Variants in DOK6 observed in about 807,000 individuals in gnomAD.
DOK6 encodes docking protein 6, also known as downstream of tyrosine kinase 6.
A neutral mutation model predicts 44.0 loss-of-function variants in DOK6; 22 were observed. The ratio of observed to expected loss-of-function variants is 0.50; its 90% CI spans 0.36 to 0.71. The LOEUF (loss-of-function observed/expected upper bound fraction) is 0.71. DOK6 is among the 30% of genes least tolerant of loss of function. DOK6 has a pLI of 0.00. For missense variants in DOK6, 340 were observed against 416.4 expected, an observed-to-expected ratio of 0.82 and a Z score of 1.60; for synonymous variants, 166 against 145.5, an observed-to-expected ratio of 1.14 and a Z score of -1.01.
intron 7 of DOK6, among the ~76,000 whole-genome samples, chr18:69,786,226 C>T (rs1308132502): frequency 6.6e-6 from 1 of 152,072 alleles, no homozygotes; most frequent in East Asian, 1.9e-4. Flanking sequence ...GGCCTATATT[C>T]TCAGAAAACA....
chr18:69,707,848 A>C (rs774767531), intron 5 of DOK6, among the ~76,000 whole-genome samples: 7 of 152,168 alleles, frequency 4.6e-5, no homozygotes, highest in Non-Finnish European at 1.0e-4. Context: ...CACCAAGTTT[A>C]ATTGTAGGGA....
chr18:69,455,840 G>A (rs192380266), intron 1 of DOK6, among the ~76,000 whole-genome samples: 1 of 152,130 alleles, frequency 6.6e-6, no homozygotes, highest in East Asian at 1.9e-4. Context: ...TGGGCAATTT[G>A]GACTCATTTA....
chr18:69,688,609 G>A (rs1043431940), intron 4 of DOK6, among the ~76,000 whole-genome samples: 7 of 152,086 alleles, frequency 4.6e-5, no homozygotes, highest in Admixed American at 3.3e-4. Flanking sequence ...TGCAACCTCC[G>A]CCTCCTGGGT....
chr18:69,572,996 A>G (rs1218512183), intron 2 of DOK6, among the ~76,000 whole-genome samples: 1 of 151,584 alleles, frequency 6.6e-6, no homozygotes, highest in East Asian at 1.9e-4. Context: ...AATATGACAT[A>G]TATGTTACCT....
intron 7 of DOK6, among the ~76,000 whole-genome samples, chr18:69,814,933 G>C (rs1599340429): frequency 6.6e-6 from 1 of 150,388 alleles, no homozygotes; most frequent in South Asian, 2.1e-4. Flanking sequence ...GTCCAGATAA[G>C]AAAAAAAAAG....
intron 3 of DOK6, among the ~76,000 whole-genome samples, chr18:69,617,605 G>A (rs1308063528): frequency 1.4e-5 from 2 of 148,146 alleles, no homozygotes; most frequent in Non-Finnish European, 3.0e-5. Flanking sequence ...AAGACTGAGC[G>A]ATAGGAGAAA....
At chr18:69,753,647 T>C (rs979379654) in intron 6 of DOK6, among the ~76,000 whole-genome samples, 2 of 152,206 alleles carry the variant, frequency 1.3e-5, no homozygotes, top group Admixed American at 1.3e-4. Flanking sequence ...ATGGCAAGTA[T>C]ATCAAGAACT....
chr18:69,496,271 GC>G (rs1419321250), intron 1 of DOK6, among the ~76,000 whole-genome samples: 1 of 152,366 alleles, frequency 6.6e-6, no homozygotes, highest in Middle Eastern at 3.4e-3. Context: ...GATCCTGCCT[GC>G]TTTGTGGAGT....
At chr18:69,582,884 C>T (rs59670595) in intron 2 of DOK6, among the ~76,000 whole-genome samples, 106 of 152,158 alleles carry the variant, frequency 7.0e-4, no homozygotes, top group African/African-American at 2.6e-3. Flanking sequence ...TCTATGTGTC[C>T]ATTTTGCCAG....
At chr18:69,491,645 G>T (rs1298769848) in intron 1 of DOK6, among the ~76,000 whole-genome samples, 1 of 152,184 alleles carries the variant, frequency 6.6e-6, no homozygotes, top group Non-Finnish European at 1.5e-5. Flanking sequence ...TCCTAAGGAA[G>T]AAACAAGAAT....
intron 3 of DOK6, among the ~76,000 whole-genome samples, chr18:69,673,852 A>G (rs926185587): frequency 2.0e-5 from 3 of 152,244 alleles, no homozygotes; most frequent in African/African-American, 7.2e-5. Flanking sequence ...AGAAAAATAA[A>G]AAACTTTATA....
chr18:69,748,950 A>G (rs771931136), intron 6 of DOK6, among the ~76,000 whole-genome samples: 2 of 152,232 alleles, frequency 1.3e-5, no homozygotes, highest in South Asian at 2.1e-4. Context: ...TGTGGTATAT[A>G]CATACCATGA....
chr18:69,433,434 T>A (rs2122427769), intron 1 of DOK6, among the ~76,000 whole-genome samples: 1 of 152,348 alleles, frequency 6.6e-6, no homozygotes, highest in African/African-American at 2.4e-5. Context: ...GCTACATTTT[T>A]AAAAATTGTA....
At chr18:69,836,069 C>T (rs1426707996) in intron 7 of DOK6, among the ~76,000 whole-genome samples, 1 of 152,180 alleles carries the variant, frequency 6.6e-6, no homozygotes, top group South Asian at 2.1e-4. Flanking sequence ...CTTAATTCCT[C>T]GGGAAGGAGA....
At chr18:69,655,761 C>CAAAAAAAAAAAAAAAAAAAAAA (rs74175379) in intron 3 of DOK6, among the ~76,000 whole-genome samples, 1 of 43,206 alleles carries the variant, frequency 2.3e-5, no homozygotes, top group Non-Finnish European at 3.9e-5. Context: ...CCCCACCCCT[C>CAAAAAAAAAAAAAAAAAAAAAA]AAAAAAAAAA....
At chr18:69,622,418 CT>C (rs1158771623) in intron 3 of DOK6, among the ~76,000 whole-genome samples, 1 of 152,198 alleles carries the variant, frequency 6.6e-6, no homozygotes, top group African/African-American at 2.4e-5. Flanking sequence ...AAAGCTGCCT[CT>C]TATGTCACAA....
intron 1 of DOK6, among the ~76,000 whole-genome samples, chr18:69,410,628 C>G (rs576840573): frequency 1.3e-5 from 2 of 152,264 alleles, no homozygotes; most frequent in East Asian, 3.9e-4. Context: ...AACAATGTAA[C>G]GAACGTGAGT....
chr18:69,828,197 A>T (rs56260621), intron 7 of DOK6, among the ~76,000 whole-genome samples: 17,950 of 151,832 alleles, frequency 0.12, 1,106 homozygotes, highest in East Asian at 0.16. Context: ...ATAGTTTAAA[A>T]ACTAAATACC....
At chr18:69,624,771 C>A (rs1310182008) in intron 3 of DOK6, among the ~76,000 whole-genome samples, 1 of 152,006 alleles carries the variant, frequency 6.6e-6, no homozygotes, top group Non-Finnish European at 1.5e-5. Flanking sequence ...ATCATTTTAT[C>A]ATACATATTA....
Sources: gnomAD v4.1 joint callset for allele counts (sites outside exome capture counted in the v4.1 genomes callset) on GRCh38, gnomAD v4.1.1 for gene constraint, MANE v1.5 for transcripts, NCBI Gene and HGNC (gene_info 2026-07-23, HGNC 2026-07-21) for gene names.